Variants in TENM3 observed in about 807,000 individuals in gnomAD.
TENM3 encodes teneurin-3.
Under a neutral mutation model 255.1 loss-of-function variants are expected in TENM3, and 63 were observed. That is an observed-to-expected ratio of 0.25 (90% CI 0.20 to 0.30). The LOEUF (loss-of-function observed/expected upper bound fraction) is 0.30. Among genes scored for constraint, TENM3 ranks in the 10% least tolerant of loss-of-function variants. The pLI is 1.00. For missense variants in TENM3, 2,929 were observed against 3,461.1 expected (o/e 0.85, Z 3.86); for synonymous variants, 1,306 against 1,322.3 (o/e 0.99, Z 0.27).
intron 3 of TENM3, among the ~76,000 whole-genome samples, chr4:182,560,499 A>T (rs1743052493): frequency 6.6e-6 from 1 of 152,216 alleles, no homozygotes; most frequent in African/African-American, 2.4e-5. Flanking sequence ...AGTGAAGCTA[A>T]TGCAGTCACT....
the TENM3 span, among the ~76,000 whole-genome samples, chr4:181,682,593 A>T: frequency 6.6e-6 from 1 of 152,254 alleles, no homozygotes; most frequent in East Asian, 1.9e-4. Flanking sequence ...GAAGAGAAAA[A>T]ATATATATAT....
chr4:181,841,718 T>C, the TENM3 span, among the ~76,000 whole-genome samples: 5 of 152,182 alleles, frequency 3.3e-5, no homozygotes, highest in South Asian at 4.1e-4. Context: ...CCTCTGTCCA[T>C]CTCTTTTGTA....
At chr4:181,839,327 T>C in the TENM3 span, among the ~76,000 whole-genome samples, 6 of 144,070 alleles carry the variant, frequency 4.2e-5, no homozygotes, top group Non-Finnish European at 7.6e-5. Context: ...GGTGTCTATG[T>C]GCATATATGT....
At chr4:182,704,028 GTT>G (rs1378935601) in intron 12 of TENM3, among the ~76,000 whole-genome samples, 1 of 151,492 alleles carries the variant, frequency 6.6e-6, no homozygotes, top group African/African-American at 2.4e-5. Context: ...TTGTATTATA[GTT>G]TTTTTTAATT....
At chr4:182,372,010 A>G (rs1480156760) in intron 3 of TENM3, among the ~76,000 whole-genome samples, 1 of 152,222 alleles carries the variant, frequency 6.6e-6, no homozygotes, top group Non-Finnish European at 1.5e-5. Context: ...TTTTAAAAAT[A>G]TACCTTAGAA....
At chr4:181,646,439 T>C in the TENM3 span, among the ~76,000 whole-genome samples, 9 of 152,222 alleles carry the variant, frequency 5.9e-5, no homozygotes, top group South Asian at 1.9e-3. Flanking sequence ...GACAGAGTTA[T>C]GTGGAAAGAG....
the TENM3 span, among the ~76,000 whole-genome samples, chr4:182,113,410 G>T: frequency 2.0e-4 from 30 of 152,240 alleles, no homozygotes; most frequent in African/African-American, 6.5e-4. Flanking sequence ...ACAGAGAGGA[G>T]AATGAAAATT....
At chr4:182,130,592 A>C in the TENM3 span, among the ~76,000 whole-genome samples, 1 of 152,108 alleles carries the variant, frequency 6.6e-6, no homozygotes, top group Non-Finnish European at 1.5e-5. Flanking sequence ...TTTCATTACC[A>C]AGTAAAAGAA....
chr4:181,683,033 TTAAA>T, the TENM3 span, among the ~76,000 whole-genome samples: 5 of 151,234 alleles, frequency 3.3e-5, no homozygotes, highest in East Asian at 1.9e-4. Context: ...GATTCCATCA[TTAAA>T]TAAATAAATA....
the TENM3 span, among the ~76,000 whole-genome samples, chr4:181,845,537 T>G: frequency 6.6e-6 from 1 of 152,208 alleles, no homozygotes; most frequent in Non-Finnish European, 1.5e-5. Context: ...ACATACAACC[T>G]TAATACAGAA....
chr4:181,962,481 A>G, the TENM3 span, among the ~76,000 whole-genome samples: 18 of 152,214 alleles, frequency 1.2e-4, no homozygotes, highest in Non-Finnish European at 2.5e-4. Context: ...TGAAGTGGAT[A>G]CCATGCCAGG....
chr4:182,738,043 A>T lies in TENM3; in HGVS notation c.3236-358A>T, dbSNP rs7684410. ...AAACTAAAGAGTTCTAATTATTCAG[A>T]TGGCAAACGTTATTTTTAGTTGTTA... On this transcript the variant is annotated intron_variant, in intron 17 of 27. Coordinates refer to ENST00000511685, the MANE Select transcript of TENM3 (RefSeq NM_001080477.4). Among the ~76,000 whole-genome samples, 488 of 152,294 alleles carry T rather than the reference A, an allele frequency of 3.2e-3. 4 individuals carry two copies. Among genetic ancestry groups the T allele is most frequent in the African/African-American group, 0.011 (470 of 41,564 alleles).
chr4:182,604,624 A>G (rs994567143), intron 4 of TENM3, among the ~76,000 whole-genome samples: 3 of 152,208 alleles, frequency 2.0e-5, no homozygotes, highest in Admixed American at 1.3e-4. Flanking sequence ...GTCCTTCAGC[A>G]ACTGTAAAGT....
At chr4:182,604,008 T>C (rs1279898639) in intron 4 of TENM3, among the ~76,000 whole-genome samples, 1 of 152,154 alleles carries the variant, frequency 6.6e-6, no homozygotes, top group Admixed American at 6.5e-5. Context: ...TTACAGTTTA[T>C]GTGAATTGCT....
At chr4:182,236,820 A>G (rs1279879624) in intron 1 of TENM3, among the ~76,000 whole-genome samples, 1 of 152,206 alleles carries the variant, frequency 6.6e-6, no homozygotes, top group Non-Finnish European at 1.5e-5. Context: ...TTCTGTATGC[A>G]ATATTAAACC....
the TENM3 span, among the ~76,000 whole-genome samples, chr4:182,113,136 G>C: frequency 6.6e-6 from 1 of 152,094 alleles, no homozygotes; most frequent in African/African-American, 2.4e-5. Context: ...CAAAATAGTC[G>C]GTGCAGTTTA....
chr4:182,722,787 G>A (rs915012790), intron 13 of TENM3, among the ~76,000 whole-genome samples: 1 of 152,172 alleles, frequency 6.6e-6, no homozygotes, highest in Non-Finnish European at 1.5e-5. Flanking sequence ...CTGTTGTTAA[G>A]AATTTGTCAA....
chr4:181,648,067 G>A, the TENM3 span, among the ~76,000 whole-genome samples: 1 of 152,162 alleles, frequency 6.6e-6, no homozygotes, highest in Non-Finnish European at 1.5e-5. Flanking sequence ...TCCCCCTGTA[G>A]TCCCGTGTTG....
chr4:181,577,694 G>A, the TENM3 span, among the ~76,000 whole-genome samples: 261 of 152,204 alleles, frequency 1.7e-3, 2 homozygotes, highest in African/African-American at 6.1e-3. Context: ...AGATGCCCAA[G>A]ACTGTTTACA....
Sources: gnomAD v4.1 joint callset for allele counts (sites outside exome capture counted in the v4.1 genomes callset) on GRCh38, gnomAD v4.1.1 for gene constraint, MANE v1.5 for transcripts, NCBI Gene and HGNC (gene_info 2026-07-23, HGNC 2026-07-21) for gene names.